CXXC5: variants seen among roughly 807,000 people sequenced by gnomAD.
CXXC5 encodes the protein CXXC-type zinc finger protein 5.
A neutral mutation model predicts 17.6 loss-of-function variants in CXXC5; 2 were observed. The observed-to-expected ratio is 0.11, with a 90% CI of 0.05 to 0.36. The LOEUF (loss-of-function observed/expected upper bound fraction) is 0.36, where lower values mean the gene tolerates loss of function less well. CXXC5 is among the 10% of genes least tolerant of loss of function. The pLI is 1.00. For missense variants in CXXC5, 343 were observed against 458.3 expected, an observed-to-expected ratio of 0.75 and a Z score of 2.30; for synonymous variants, 171 against 193.0, an observed-to-expected ratio of 0.89 and a Z score of 0.94.
intron 1 of CXXC5, among the ~76,000 whole-genome samples, chr5:139,672,553 A>T (rs189238471): frequency 1.6e-4 from 24 of 152,298 alleles, no homozygotes; most frequent in African/African-American, 5.5e-4. Context: ...CTCTCAAATC[A>T]GTTTCCTATC....
chr5:139,656,977 G>A (rs559549453), intron 1 of CXXC5, among the ~76,000 whole-genome samples: 4 of 152,212 alleles, frequency 2.6e-5, no homozygotes, highest in African/African-American at 4.8e-5. Context: ...CACCTGCCTC[G>A]GCCTCCCGAA....
chr5:139,680,319 G>A, intron 1 of CXXC5, 45 bp from the exon 2 acceptor site: 1 of 649,026 alleles, frequency 1.5e-6, no homozygotes, highest in East Asian at 2.8e-5. Context: ...ATGTTGAAGG[G>A]GGAGGTGTTC....
In CXXC5 at chr5:139,672,469, G is replaced by A. The variant is rs1415151876; in HGVS notation, c.-160-7895G>A. Reference sequence around the variant, plus strand: ...GGGGAACTTAAGAGTGGAAGGGACTGGATGCTCCTTGCCACGATAGGTCTC... The same window carrying A: ...GGGGAACTTAAGAGTGGAAGGGACTAGATGCTCCTTGCCACGATAGGTCTC... On this transcript the variant is annotated intron_variant, in intron 1 of 2. Transcript: ENST00000302517. Among the ~76,000 whole-genome samples, 4 of 152,328 alleles carry A rather than the reference G, an allele frequency of 2.6e-5. No homozygotes were observed. In the South Asian group the frequency reaches 6.2e-4, roughly 24 times the overall value.
chr5:139,670,977 C>T lies in CXXC5; in HGVS notation c.-160-9387C>T, dbSNP rs913824391. ...CATACACACTCCAGCCCCCTGAGCC[C>T]GCTCCCAGGTGCCCAGCATCCTTGG... On this transcript the variant is annotated intron_variant, in intron 1 of 2. Transcript: ENST00000302517. This position sits in a 1 kb window ranked among gnomAD's most constrained non-coding sequence, Gnocchi z 4.2. Among the ~76,000 whole-genome samples the T allele has an allele frequency of 4.6e-5, 7 of 152,164 alleles. No individual in the cohort carries two copies. The highest frequency in any genetic ancestry group is 1.7e-4 in the African/African-American group (7 of 41,426).
rs565957806 is a variant in CXXC5 at position 139,683,536 on chromosome 5, C to T, written c.*629C>T. The T allele has an allele frequency of 6.6e-6, 1 of 152,496 alleles. No individual in the cohort carries two copies. Among genetic ancestry groups the T allele is most frequent in the Admixed American group, 6.5e-5 (1 of 15,294 alleles). 9.4% of individuals were successfully genotyped at this position (152,496 alleles called of 1,614,324 possible). On this transcript the variant is annotated 3_prime_UTR_variant, in exon 3 of 3. Transcript: ENST00000302517. ...AGCACCAGGCCAGCTGAGCTGCACCCACAGTCCCGAGACTGGGATCCCCCA... is the reference window on the plus strand; with the variant it reads ...AGCACCAGGCCAGCTGAGCTGCACCTACAGTCCCGAGACTGGGATCCCCCA...
At chr5:139,678,607 C>T (rs1008862641) in intron 1 of CXXC5, among the ~76,000 whole-genome samples, 7 of 152,220 alleles carry the variant, frequency 4.6e-5, no homozygotes, top group Non-Finnish European at 1.0e-4. Flanking sequence ...TCCTCTTTGG[C>T]CACTCCTTAG....
At chr5:139,648,322 T>C (rs1344089431), upstream of CXXC5, 3 of 155,358 alleles carry the variant, frequency 1.9e-5, no homozygotes, top group Non-Finnish European at 2.9e-5. Context: ...GCAGCGTTCA[T>C]AGCTCCTGCC....
At chr5:139,681,532 C>T (rs1757238329) in intron 2 of CXXC5, 85 bp downstream of exon 2, 1 of 1,475,988 alleles carries the variant, frequency 6.8e-7, no homozygotes, top group Non-Finnish European at 9.1e-7. Context: ...CCCCACTTTT[C>T]CTACCTGGGC....
intron 1 of CXXC5, among the ~76,000 whole-genome samples, chr5:139,652,287 C>T (rs1449538242): frequency 1.3e-5 from 2 of 152,046 alleles, no homozygotes; most frequent in African/African-American, 4.8e-5. Context: ...CACAAAAAGC[C>T]TCCCCCGTTA....
rs577766232 is a variant in CXXC5 at position 139,683,212 on chromosome 5, C to T, written c.*305C>T. On this transcript the variant is annotated 3_prime_UTR_variant, in exon 3 of 3. Coordinates refer to ENST00000302517, the MANE Select transcript of CXXC5 (RefSeq NM_016463.9). ...TGGGCAAAGAATGGACAATCAGTTTCCTTCCTGTGTCGATGTCGATGTTGT... is the reference window on the plus strand; with the variant it reads ...TGGGCAAAGAATGGACAATCAGTTTTCTTCCTGTGTCGATGTCGATGTTGT... 374 of 277,920 alleles carry T rather than the reference C, an allele frequency of 1.3e-3. 2 individuals carry two copies. In the Middle Eastern group the frequency reaches 0.02, roughly 15 times the overall value. 17.2% of individuals were successfully genotyped at this position (277,920 alleles called of 1,614,324 possible).
intron 1 of CXXC5, among the ~76,000 whole-genome samples, chr5:139,657,257 G>C (rs889568604): frequency 2.6e-5 from 4 of 152,358 alleles, no homozygotes; most frequent in Admixed American, 6.5e-5. Flanking sequence ...CCACTGCCTA[G>C]TGGGATGGAG....
intron 1 of CXXC5, among the ~76,000 whole-genome samples, chr5:139,665,429 G>A (rs1756057143): frequency 6.6e-6 from 1 of 152,200 alleles, no homozygotes; most frequent in Admixed American, 6.5e-5. Flanking sequence ...GGAATGCTCT[G>A]GTCTCTCAGC....
In CXXC5 at chr5:139,648,745, C is replaced by T. The variant is rs1167506584; in HGVS notation, c.-261C>T. The T allele has an allele frequency of 6.6e-6, 1 of 151,896 alleles. No homozygotes were observed. The highest frequency in any genetic ancestry group is 2.4e-5 in the African/African-American group (1 of 41,350). The allele number at this position is 151,896 out of a possible 1,614,324, so 9.4% of individuals were successfully genotyped here. A position where few individuals can be genotyped will look rare whatever the true frequency, so the allele number is the denominator to read the frequency against. On this transcript the variant is annotated 5_prime_UTR_variant, in exon 1 of 3. Coordinates refer to ENST00000302517, the MANE Select transcript of CXXC5 (RefSeq NM_016463.9). ...CTGGCGGCTGGAGCGGAGCGCACCGCGGCGGTGGTGCCCAGAGCGGAGCGC... is the reference window on the plus strand; with the variant it reads ...CTGGCGGCTGGAGCGGAGCGCACCGTGGCGGTGGTGCCCAGAGCGGAGCGC...
rs780355584 is a variant in CXXC5 at position 139,681,110 on chromosome 5, T to A, written c.587T>A (p.Val196Glu). ...AGAGLPDMEA[V>E]AGAEALNGQS... ...GCTGGCCTGCCTGACATGGAGGCTGTGGCAGGTGCCGAAGCCCTCAATGGC... is the reference window on the plus strand; with the variant it reads ...GCTGGCCTGCCTGACATGGAGGCTGAGGCAGGTGCCGAAGCCCTCAATGGC... Residue 196 changes from valine to glutamate, a missense_variant, in exon 2 of 3, where the codon GTG becomes GAG. Val to Glu is a moderately radical substitution (Grantham distance 121, BLOSUM62 -2). This residue lies in a region of CXXC5 where 297 missense variants were observed against 363.4 expected (regional missense o/e 0.82). Coordinates refer to ENST00000302517, the MANE Select transcript of CXXC5 (RefSeq NM_016463.9). 1 of 1,612,696 alleles carries A rather than the reference T, an allele frequency of 6.2e-7. No individual in the cohort carries two copies. The highest frequency in any genetic ancestry group is 8.5e-7 in the Non-Finnish European group (1 of 1,179,948).
At chr5:139,672,656 C>G (rs1756549915) in intron 1 of CXXC5, among the ~76,000 whole-genome samples, 1 of 152,138 alleles carries the variant, frequency 6.6e-6, no homozygotes, top group African/African-American at 2.4e-5. Flanking sequence ...TCCTTTTTTT[C>G]CCCTCTGTAT....
At chr5:139,672,585 A>C (rs769974698) in intron 1 of CXXC5, among the ~76,000 whole-genome samples, 2 of 151,728 alleles carry the variant, frequency 1.3e-5, no homozygotes, top group Non-Finnish European at 2.9e-5. Flanking sequence ...TCAGTGACTG[A>C]TCTCGGCCTC....
Position 139,680,738 on chromosome 5 carries a change from G to C in CXXC5, c.215G>C (p.Ser72Thr). 1 of 1,613,532 alleles carries C rather than the reference G, an allele frequency of 6.2e-7. No individual in the cohort carries two copies. Among genetic ancestry groups the C allele is most frequent in the Non-Finnish European group, 8.5e-7 (1 of 1,180,032 alleles). ...ATCATCAGTGAGCCCCTCAACAAGA[G>C]CCTGCGCCGCTCCCGCCCGCTCTCC... ...SGIISEPLNK[S>T]LRRSRPLSHY... The change falls in exon 2 of 3, where the codon AGC becomes ACC. Residue 72 changes from serine (S) to threonine (T), a missense_variant. Ser to Thr is a moderately conservative substitution (Grantham distance 58). Transcript: ENST00000302517.
rs1755815045 is a variant in CXXC5 at position 139,661,557 on chromosome 5, TGCACATACACAGGC to T, written c.-161+12713_-161+12726del. Reference sequence around the variant, plus strand: ...ACCCACTGGCACGTACCTAGGCGAATGCACATACACAGGCACACATAGGCGTGCACACATAGGCC... The same window carrying T: ...ACCCACTGGCACGTACCTAGGCGAATACACATAGGCGTGCACACATAGGCC... On this transcript the variant is annotated intron_variant, in intron 1 of 2. Transcript: ENST00000302517. The surrounding 1 kb of genome is among the most constrained non-coding windows in gnomAD (Gnocchi z 4.7). Among the ~76,000 whole-genome samples the T allele has an allele frequency of 6.6e-6, 1 of 152,166 alleles. No homozygotes were observed. Among genetic ancestry groups the T allele is most frequent in the Admixed American group, 6.5e-5 (1 of 15,276 alleles).
intron 1 of CXXC5, among the ~76,000 whole-genome samples, chr5:139,678,965 C>T (rs550213090): frequency 1.3e-5 from 2 of 152,344 alleles, no homozygotes; most frequent in East Asian, 1.9e-4. Flanking sequence ...TGGCCCAGTC[C>T]CTTCAGCTGA....
Sources: allele counts gnomAD v4.1 joint callset (sites outside exome capture counted in the v4.1 genomes callset), GRCh38; gene constraint gnomAD v4.1.1; regional missense constraint gnomAD v4.1.1; non-coding constraint Gnocchi (gnomAD v3.1); transcripts MANE v1.5; gene names NCBI Gene and HGNC (gene_info 2026-07-23, HGNC 2026-07-21).